Variants in SH3PXD2A observed in about 807,000 individuals in gnomAD.
SH3PXD2A encodes the protein SH3 and PX domains 2A.
A neutral mutation model predicts 115.2 loss-of-function variants in SH3PXD2A; 32 were observed. That is an observed-to-expected ratio of 0.28 (90% CI 0.21 to 0.37). SH3PXD2A has a LOEUF of 0.37. Among genes scored for constraint, SH3PXD2A ranks in the 10% least tolerant of loss-of-function variants. The pLI, the probability that SH3PXD2A is intolerant of heterozygous loss-of-function variation, is 1.00. For missense variants in SH3PXD2A, 1,328 were observed against 1,498.7 expected, an observed-to-expected ratio of 0.89 and a Z score of 1.88; for synonymous variants, 610 against 629.1, an observed-to-expected ratio of 0.97 and a Z score of 0.45.
chr10:103,694,562 A>G (rs2037802636), intron 5 of SH3PXD2A, among the ~76,000 whole-genome samples: 1 of 150,976 alleles, frequency 6.6e-6, no homozygotes, highest in African/African-American at 2.4e-5. Context: ...TGCATTTCTG[A>G]CTCTCTCCCC....
At chr10:103,818,348 T>G (rs2039345016) in intron 1 of SH3PXD2A, among the ~76,000 whole-genome samples, 1 of 152,210 alleles carries the variant, frequency 6.6e-6, no homozygotes, top group African/African-American at 2.4e-5. Context: ...GCTGGACCTC[T>G]GCAATCATCT....
At chr10:103,648,011 T>A (rs1019962725) in intron 8 of SH3PXD2A, among the ~76,000 whole-genome samples, 1 of 152,142 alleles carries the variant, frequency 6.6e-6, no homozygotes, top group African/African-American at 2.4e-5. Flanking sequence ...TGCTCCAACG[T>A]GCTAGCCACT....
At chr10:103,767,810 G>GTTTTGTTTTTTTTTTTT (rs1490820010) in intron 2 of SH3PXD2A, among the ~76,000 whole-genome samples, 1 of 67,742 alleles carries the variant, frequency 1.5e-5, no homozygotes, top group African/African-American at 5.6e-5. Context: ...CAACTGTTTT[G>GTTTTGTTTTTTTTTTTT]TTTTTTTTTT....
At chr10:103,685,621 T>C (rs1489116403) in intron 6 of SH3PXD2A, among the ~76,000 whole-genome samples, 1 of 152,192 alleles carries the variant, frequency 6.6e-6, no homozygotes, top group African/African-American at 2.4e-5. Flanking sequence ...GCTTCACCCT[T>C]AGTGCTTCCT....
intron 3 of SH3PXD2A, among the ~76,000 whole-genome samples, chr10:103,738,040 T>C (rs2038399633): frequency 6.6e-6 from 1 of 152,130 alleles, no homozygotes; most frequent in African/African-American, 2.4e-5. Context: ...GCTCAATGAG[T>C]GCTTGCTGGG....
At chr10:103,816,997 A>ATTTTTTT (rs56260224) in intron 1 of SH3PXD2A, among the ~76,000 whole-genome samples, 3 of 99,606 alleles carry the variant, frequency 3.0e-5, no homozygotes, top group Non-Finnish European at 5.8e-5. Context: ...CACCCGGCTA[A>ATTTTTTT]TTTTTTTTTT....
chr10:103,822,131 T>C (rs1389232338), intron 1 of SH3PXD2A, among the ~76,000 whole-genome samples: 1 of 152,248 alleles, frequency 6.6e-6, no homozygotes, highest in Non-Finnish European at 1.5e-5. Flanking sequence ...CCTTAGGTGA[T>C]CTGCCTGCCT....
chr10:103,656,752 C>T (rs926634346), intron 8 of SH3PXD2A, among the ~76,000 whole-genome samples: 10 of 147,862 alleles, frequency 6.8e-5, no homozygotes, highest in African/African-American at 2.5e-4. Flanking sequence ...TCGCTTGACC[C>T]AGGAGGTGGA....
At chr10:103,650,610 C>T (rs1213959101) in intron 8 of SH3PXD2A, among the ~76,000 whole-genome samples, 1 of 152,220 alleles carries the variant, frequency 6.6e-6, no homozygotes, top group Non-Finnish European at 1.5e-5. Flanking sequence ...TTGCCAGCCA[C>T]CTGGGGCCTG....
At chr10:103,611,234 C>T (rs2036422647) in intron 13 of SH3PXD2A, among the ~76,000 whole-genome samples, 1 of 152,270 alleles carries the variant, frequency 6.6e-6, no homozygotes, top group African/African-American at 2.4e-5. Context: ...GGCTTCCAGG[C>T]TAGCATGGAC....
At position 103,602,643 on chromosome 10, in the gene SH3PXD2A, T is replaced by C. The variant is rs1259530747; in HGVS notation, c.2575A>G (p.Ile859Val). Residue 859 changes from isoleucine (I) to valine (V), a missense_variant, in exon 15 of 15, where the codon ATC becomes GTC. Transcript: ENST00000369774. Reference protein sequence around the residue: ...SAYQKVQDSEISFPAGVEVQV... With the variant: ...SAYQKVQDSEVSFPAGVEVQV... ...ACCTCCACGCCCGCGGGGAAGCTGATCTCCGAGTCCTGGACCTTCTGGTAG... is the reference window on the plus strand; with the variant it reads ...ACCTCCACGCCCGCGGGGAAGCTGACCTCCGAGTCCTGGACCTTCTGGTAG... 1.2e-6 allele frequency: 2 copies of C among 1,613,972 alleles called. No individual in the cohort carries two copies. The highest frequency in any genetic ancestry group is 1.7e-6 in the Non-Finnish European group (2 of 1,180,020).
chr10:103,648,007 A>G (rs1016115855), intron 8 of SH3PXD2A, among the ~76,000 whole-genome samples: 1 of 152,166 alleles, frequency 6.6e-6, no homozygotes, highest in African/African-American at 2.4e-5. Context: ...GGTCTGCTCC[A>G]ACGTGCTAGC....
chr10:103,835,649 G>A (rs374665879), intron 1 of SH3PXD2A, among the ~76,000 whole-genome samples: 293 of 152,222 alleles, frequency 1.9e-3, no homozygotes, highest in African/African-American at 6.8e-3. Flanking sequence ...ACTCAAGGAC[G>A]TCCTGGTCTT....
chr10:103,630,810 C>T (rs1416713610), intron 8 of SH3PXD2A, among the ~76,000 whole-genome samples: 2 of 151,266 alleles, frequency 1.3e-5, no homozygotes, highest in Non-Finnish European at 2.9e-5. Context: ...GTCCTGATTT[C>T]CATCATTTGG....
chr10:103,606,221 T>C (rs1394251017), intron 13 of SH3PXD2A, among the ~76,000 whole-genome samples: 2 of 145,306 alleles, frequency 1.4e-5, no homozygotes, highest in African/African-American at 5.1e-5. Flanking sequence ...ATCATCATCA[T>C]TACTCTGAGA....
chr10:103,796,755 A>G (rs923775017), intron 2 of SH3PXD2A, among the ~76,000 whole-genome samples: 1 of 152,110 alleles, frequency 6.6e-6, no homozygotes, highest in African/African-American at 2.4e-5. Flanking sequence ...GGGCTCCCAG[A>G]TTTAACAAGT....
Position 103,601,194 on chromosome 10 carries a change from C to A in SH3PXD2A, c.*622G>T, listed in dbSNP as rs2036209775. The A allele has an allele frequency of 1.3e-5, 2 of 152,256 alleles. No individual in the cohort carries two copies. Among genetic ancestry groups the A allele is most frequent in the African/African-American group, 4.8e-5 (2 of 41,444 alleles). 9.4% of individuals were successfully genotyped at this position (152,256 alleles called of 1,614,324 possible). A position where few individuals can be genotyped will look rare whatever the true frequency, so the allele number is the denominator to read the frequency against. On this transcript the variant is annotated 3_prime_UTR_variant, in exon 15 of 15. Coordinates refer to ENST00000369774, the MANE Select transcript of SH3PXD2A (RefSeq NM_001394015.1). ...GATGGTCTTTGCTGGCACCTGGGAACTGCTTTTTCTTCAACTAACAGTGAC... is the reference window on the plus strand; with the variant it reads ...GATGGTCTTTGCTGGCACCTGGGAAATGCTTTTTCTTCAACTAACAGTGAC...
chr10:103,684,999 G>A (rs1331402774), intron 6 of SH3PXD2A, among the ~76,000 whole-genome samples: 2 of 151,262 alleles, frequency 1.3e-5, no homozygotes, highest in Admixed American at 6.6e-5. Context: ...CAGTCTGAAC[G>A]ACAGAGCCTG....
intron 3 of SH3PXD2A, among the ~76,000 whole-genome samples, chr10:103,758,761 G>A (rs996190799): frequency 6.6e-5 from 10 of 152,202 alleles, no homozygotes; most frequent in African/African-American, 2.2e-4. Context: ...GAGGTTGGAG[G>A]AAAGCTGTGT....
Sources: allele counts gnomAD v4.1 joint callset (sites outside exome capture counted in the v4.1 genomes callset), GRCh38; gene constraint gnomAD v4.1.1; transcripts MANE v1.5; gene names NCBI Gene and HGNC (gene_info 2026-07-23, HGNC 2026-07-21).